The following ZNF48 variants were observed in gnomAD, a reference collection of about 807,000 sequenced individuals.
ZNF48 encodes the protein zinc finger protein 48.
Under a neutral mutation model 40.0 loss-of-function variants are expected in ZNF48, and 20 were observed. The observed-to-expected ratio is 0.50, with a 90% CI of 0.35 to 0.73. The LOEUF (loss-of-function observed/expected upper bound fraction) is 0.73, where lower values mean the gene tolerates loss of function less well. Ranked by LOEUF, ZNF48 falls within the 30% of genes least tolerant of loss-of-function variation. ZNF48 has a pLI of 0.01. For missense variants in ZNF48, 726 were observed against 851.9 expected (o/e 0.85, Z 1.84); for synonymous variants, 298 against 329.7 (o/e 0.90, Z 1.04).
upstream of ZNF48, chr16:30,394,750 GCTCC>G (rs2151116851): frequency 6.3e-6 from 1 of 158,186 alleles, no homozygotes; most frequent in South Asian, 1.7e-4. Flanking sequence ...CTAATCTTTG[GCTCC>G]CCTTATTTTT....
Position 30,382,637 on chromosome 16 carries a change from C to G in ZNF48, c.-16+4227C>G. On this transcript the variant is annotated intron_variant, in intron 1 of 2. Transcript: ENST00000528032. This position sits in a 1 kb window ranked among gnomAD's most constrained non-coding sequence, Gnocchi z 4.8. ...GGGCAGAAGAGGCAGCTGAGATGCT[C>G]AAACTGGCCCAGTCCCAGAGAGGTG... 1 of 1,542,324 alleles carries G rather than the reference C, an allele frequency of 6.5e-7. No homozygotes were observed. The highest frequency in any genetic ancestry group is 8.7e-7 in the Non-Finnish European group (1 of 1,145,616).
chr16:30,392,516 C>T (rs889712665), upstream of ZNF48, among the ~76,000 whole-genome samples: 2 of 152,150 alleles, frequency 1.3e-5, no homozygotes, highest in Admixed American at 1.3e-4. Context: ...TGGAGTTGTT[C>T]ATTCAGCCCC....
At chr16:30,380,838 G>T in intron 1 of ZNF48, 1 of 466,818 alleles carries the variant, frequency 2.1e-6, no homozygotes, top group Non-Finnish European at 3.9e-6. Flanking sequence ...GGGCTCTGAA[G>T]ACACGGGGTG....
Position 30,398,632 on chromosome 16 carries a change from G to A in ZNF48, c.1382G>A (p.Arg461His), listed in dbSNP as rs1220362665. ...HKCPECGKGF[R>H]RSSDLVKHHR... ...TGCCCTGAGTGTGGCAAGGGCTTCC[G>A]CCGAAGCTCTGACCTGGTGAAACAC... Residue 461 changes from arginine (R) to histidine (H), a missense_variant, in exon 3 of 3, where the codon CGC (arginine) becomes CAC (histidine). Coordinates refer to ENST00000613509, the MANE Select transcript of ZNF48 (RefSeq NM_001214909.2). The surrounding 1 kb of genome is among the most constrained non-coding windows in gnomAD (Gnocchi z 6.6). The A allele has an allele frequency of 2.5e-6, 4 of 1,613,206 alleles. No individual in the cohort carries two copies. The highest frequency in any genetic ancestry group is 1.1e-5 in the South Asian group (1 of 91,080).
Position 30,395,517 on chromosome 16 carries a change from C to A in ZNF48, c.-77C>A. 1 of 305,108 alleles carries A rather than the reference C, an allele frequency of 3.3e-6. No individual in the cohort carries two copies. The highest frequency in any genetic ancestry group is 4.8e-5 in the Admixed American group (1 of 20,712). 18.9% of individuals were successfully genotyped at this position (305,108 alleles called of 1,614,324 possible). A position where few individuals can be genotyped will look rare whatever the true frequency, so the allele number is the denominator to read the frequency against. On this transcript the variant is annotated 5_prime_UTR_variant, in exon 1 of 3. The change creates a new upstream start codon in the 5' untranslated region. Transcript: ENST00000613509. This position sits in a 1 kb window ranked among gnomAD's most constrained non-coding sequence, Gnocchi z 5.9. ...CCGGAGCCGCTGGCGGCTCGGGCGC[C>A]TGCACCCCGCTGAGGAGCTCCGGAG...
chr16:30,382,000 AAGC>A lies in ZNF48; in HGVS notation c.-16+3593_-16+3595del, dbSNP rs1322966492. ...CCAGGGGAGGAAAGTCTCAGAAAAA[AAGC>A]AGTCAACTACCTGAGTCCCCAGATG... On this transcript the variant is annotated intron_variant, in intron 1 of 2. Coordinates refer to the ZNF48 transcript ENST00000528032. The surrounding 1 kb of genome is among the most constrained non-coding windows in gnomAD (Gnocchi z 4.3). 5.0e-6 allele frequency: 8 copies of A among 1,603,356 alleles called. No homozygotes were observed. The highest frequency in any genetic ancestry group is 6.8e-6 in the Non-Finnish European group (8 of 1,172,440).
rs1447402140 is a variant in ZNF48, at chr16:30,382,063, A to T, written c.-16+3653A>T. On this transcript the variant is annotated intron_variant, in intron 1 of 2. Transcript: ENST00000528032. This position sits in a 1 kb window ranked among gnomAD's most constrained non-coding sequence, Gnocchi z 4.8. ...AGGGTGTAACCTGGGGACAGGGGCTACTGCCTCAAGAGGGTGGGGAGGGTC... is the reference window on the plus strand; with the variant it reads ...AGGGTGTAACCTGGGGACAGGGGCTTCTGCCTCAAGAGGGTGGGGAGGGTC... 1.3e-6 allele frequency: 2 copies of T among 1,580,072 alleles called. No homozygotes were observed. Among genetic ancestry groups the T allele is most frequent in the Non-Finnish European group, 1.7e-6 (2 of 1,161,512 alleles).
chr16:30,396,203 A>G (rs1367208433), intron 2 of ZNF48, among the ~76,000 whole-genome samples: 1 of 152,050 alleles, frequency 6.6e-6, no homozygotes, highest in South Asian at 2.1e-4. Flanking sequence ...CTAAGTCCAG[A>G]TATAATCCTG....
intron 1 of ZNF48, among the ~76,000 whole-genome samples, chr16:30,385,203 TAATAATAATAATAATAATATAA>T (rs1249755664): frequency 2.1e-5 from 3 of 145,344 alleles, no homozygotes; most frequent in African/African-American, 7.7e-5. Context: ...ATAATAATAA[TAATAATAATAATAATAATATAA>T]ATAAATAAAT....
intron 2 of ZNF48, among the ~76,000 whole-genome samples, chr16:30,396,688 C>CTTTT (rs1167683501): frequency 9.8e-5 from 11 of 112,062 alleles, no homozygotes; most frequent in South Asian, 2.6e-4. Flanking sequence ...CGCTTTGCTA[C>CTTTT]TTTTTTTTTT....
rs1346392722 is a variant in ZNF48, at chr16:30,378,682, G to A, written c.-16+272G>A. On this transcript the variant is annotated intron_variant, in intron 1 of 2. Transcript: ENST00000528032. ...GCATGGGCAGCGGGATCTCTGTGGC[G>A]CTCTGGCGGGAAAGCTTACTGCGGG... 4.4e-6 allele frequency: 7 copies of A among 1,608,560 alleles called. No individual in the cohort carries two copies. In the South Asian group the frequency reaches 6.6e-5, roughly 15 times the overall value.
intron 1 of ZNF48, among the ~76,000 whole-genome samples, chr16:30,389,207 C>T (rs933836300): frequency 1.3e-5 from 2 of 151,706 alleles, no homozygotes; most frequent in Non-Finnish European, 2.9e-5. Context: ...TCCTGGCTGA[C>T]ACGGTGAAAC....
chr16:30,380,384 C>T (rs1443771083), intron 1 of ZNF48: 1 of 161,224 alleles, frequency 6.2e-6, no homozygotes, highest in Non-Finnish European at 1.4e-5. Flanking sequence ...TCACTGCAGC[C>T]TCAACCTCTC....
chr16:30,378,871 GGAGAGA>G (rs2049794450), intron 1 of ZNF48: 1 of 708,030 alleles, frequency 1.4e-6, no homozygotes. Flanking sequence ...AGGGAGAGAC[GGAGAGA>G]GGGAGGGAGG....
chr16:30,385,422 C>G lies in ZNF48; in HGVS notation c.-16+7012C>G, dbSNP rs183824845. Among the ~76,000 whole-genome samples, 300 of 151,216 alleles carry G rather than the reference C, an allele frequency of 2.0e-3. 2 individuals are homozygous for G. The highest frequency in any genetic ancestry group is 6.5e-3 in the South Asian group (31 of 4,778). ...CAGGCAGATCAGAAGGTCAGGAGAT[C>G]GAGACCATCCTGGCCAACATGGTGA... On this transcript the variant is annotated intron_variant, in intron 1 of 2. Coordinates refer to the ZNF48 transcript ENST00000528032.
upstream of ZNF48, chr16:30,395,411 G>A: frequency 5.4e-6 from 2 of 370,330 alleles, no homozygotes; most frequent in South Asian, 1.9e-5. The surrounding 1 kb of genome is among the most constrained non-coding windows in gnomAD (Gnocchi z 5.9). Context: ...CCGCGCTTCC[G>A]CTTCCCGTCC....
chr16:30,381,872 G>C lies in ZNF48; in HGVS notation c.-16+3462G>C, dbSNP rs1179552189. ...CCCCGGCGCTCAATGGCCAGGGTCT[G>C]TGTCAAGCGAGCTGTGGGATGGGGG... On this transcript the variant is annotated intron_variant, in intron 1 of 2. Transcript: ENST00000528032. This position sits in a 1 kb window ranked among gnomAD's most constrained non-coding sequence, Gnocchi z 4.3. 1.9e-6 allele frequency: 3 copies of C among 1,614,048 alleles called. No homozygotes were observed. The highest frequency in any genetic ancestry group is 1.6e-4 in the Middle Eastern group (1 of 6,084).
At position 30,397,469 on chromosome 16, in the gene ZNF48, G is replaced by A; in HGVS notation, c.219G>A (p.Gln73=). ...GNASLKPEGI[Q]NWDDLWVQRE... ...CCTCTCTCAAACCTGAAGGCATCCAGAACTGGGATGACTTATGGGTCCAGA... is the reference window on the plus strand; with the variant it reads ...CCTCTCTCAAACCTGAAGGCATCCAAAACTGGGATGACTTATGGGTCCAGA... Residue 73 remains glutamine, a synonymous_variant, in exon 3 of 3, where the codon CAG becomes CAA. Transcript: ENST00000613509. This position sits in a 1 kb window ranked among gnomAD's most constrained non-coding sequence, Gnocchi z 4.1. The A allele has an allele frequency of 9.3e-6, 15 of 1,614,142 alleles. No individual in the cohort carries two copies. The highest frequency in any genetic ancestry group is 1.2e-5 in the Non-Finnish European group (14 of 1,180,024).
At chr16:30,379,048 C>A (rs199791904) in intron 1 of ZNF48, 14 of 1,613,606 alleles carry the variant, frequency 8.7e-6, no homozygotes, top group Non-Finnish European at 1.2e-5. Flanking sequence ...AGCCCCAGGC[C>A]GGGCCAGGCT....
Sources: gnomAD v4.1 joint callset for allele counts (sites outside exome capture counted in the v4.1 genomes callset) on GRCh38, gnomAD v4.1.1 for gene constraint, Gnocchi (gnomAD v3.1) non-coding constraint, MANE v1.5 for transcripts, NCBI Gene and HGNC (gene_info 2026-07-23, HGNC 2026-07-21) for gene names.